DHRSX: variants seen among roughly 807,000 people sequenced by gnomAD.
DHRSX encodes the protein dehydrogenase/reductase X-linked.
A neutral mutation model predicts 34.0 loss-of-function variants in DHRSX; 31 were observed. The observed-to-expected ratio is 0.91, with a 90% CI of 0.69 to 1.23. The LOEUF is 1.23. Among genes scored for constraint, DHRSX ranks in the 50% most tolerant of loss-of-function variants. The pLI is 0.00. For missense variants in DHRSX, 414 were observed against 428.1 expected (o/e 0.97, Z 0.29); for synonymous variants, 201 against 183.8 (o/e 1.09, Z -0.76).
chrX:2,456,323 G>C (rs2044295641), intron 1 of DHRSX, among the ~76,000 whole-genome samples: 3 of 152,108 alleles, frequency 2.0e-5, no homozygotes, highest in African/African-American at 7.2e-5. Flanking sequence ...AATCAAGAAT[G>C]AAGGGTGCGG....
At position 2,407,599 on chromosome X, in the gene DHRSX, C is replaced by T. The variant is rs184908360; in HGVS notation, c.286+1146G>A. The stretch of plus-strand genomic sequence containing the variant: ...GCACTGGATAAGAGAATCTGGCTGC[C>T]TTCAGCCAAATCTTATTCGGGAGCA... On this transcript the variant is annotated intron_variant, in intron 3 of 6. Transcript: ENST00000334651. 6.6e-4 allele frequency among the ~76,000 whole-genome samples: 101 copies of T among 152,296 alleles called. 1 individual carries two copies. Among genetic ancestry groups the T allele is most frequent in the African/African-American group, 2.2e-3 (92 of 41,564 alleles).
At chrX:2,391,703 A>C (rs2043337232) in intron 3 of DHRSX, among the ~76,000 whole-genome samples, 1 of 152,198 alleles carries the variant, frequency 6.6e-6, no homozygotes, top group South Asian at 2.1e-4. Context: ...AGGTGGGCAG[A>C]TCACCTGAGG....
At chrX:2,239,752 G>C (rs754656180) in intron 6 of DHRSX, among the ~76,000 whole-genome samples, 2 of 150,956 alleles carry the variant, frequency 1.3e-5, no homozygotes, top group African/African-American at 4.9e-5. Flanking sequence ...CTGGGCAACA[G>C]AGCAAGACTC....
At chrX:2,425,933 C>A (rs2043840944) in intron 1 of DHRSX, among the ~76,000 whole-genome samples, 3 of 152,080 alleles carry the variant, frequency 2.0e-5, no homozygotes, top group Admixed American at 2.0e-4. Flanking sequence ...TGAATGATTT[C>A]AGCAGGCTCT....
In DHRSX at chrX:2,220,843, T is replaced by C. The variant is rs1270905914; in HGVS notation, c.*198A>G. On this transcript the variant is annotated 3_prime_UTR_variant, in exon 7 of 7. Coordinates refer to ENST00000334651, the MANE Select transcript of DHRSX (RefSeq NM_145177.3). ...ACAAAGTTTATGGTTGAAGACCACT[T>C]GGGGTGATTATCCTCCAAAATGTTT... The C allele has an allele frequency of 9.2e-6, 5 of 542,860 alleles. No individual in the cohort carries two copies. Among genetic ancestry groups the C allele is most frequent in the Non-Finnish European group, 1.3e-5 (4 of 304,292 alleles). The allele number at this position is 542,860 out of a possible 1,614,324, so 33.6% of individuals were successfully genotyped here.
At chrX:2,445,027 G>C (rs1442344454) in intron 1 of DHRSX, among the ~76,000 whole-genome samples, 2 of 151,836 alleles carry the variant, frequency 1.3e-5, no homozygotes, top group Non-Finnish European at 2.9e-5. Flanking sequence ...CCTGGTGGCG[G>C]ACACCGGTAA....
chrX:2,255,230 C>T (rs2041260772), intron 5 of DHRSX, among the ~76,000 whole-genome samples: 1 of 152,082 alleles, frequency 6.6e-6, no homozygotes, highest in Admixed American at 6.6e-5. Flanking sequence ...GAGAAAACAA[C>T]CAAAACAACA....
intron 5 of DHRSX, among the ~76,000 whole-genome samples, chrX:2,254,230 T>C (rs2041245177): frequency 6.6e-6 from 1 of 152,210 alleles, no homozygotes; most frequent in Admixed American, 6.5e-5. Context: ...GAGAGGTACT[T>C]GTGTAGAAGC....
intron 4 of DHRSX, among the ~76,000 whole-genome samples, chrX:2,268,485 CTT>C (rs2041504770): frequency 1.3e-5 from 2 of 152,156 alleles, no homozygotes; most frequent in East Asian, 3.8e-4. Flanking sequence ...TAGCTATACA[CTT>C]GGGTATATAA....
At chrX:2,432,249 A>G (rs1329908952) in intron 1 of DHRSX, among the ~76,000 whole-genome samples, 1 of 152,172 alleles carries the variant, frequency 6.6e-6, no homozygotes, top group Non-Finnish European at 1.5e-5. Context: ...GGGGGAAAAA[A>G]AATCTAAACT....
At chrX:2,498,563 G>T (rs2045337136) in intron 1 of DHRSX, among the ~76,000 whole-genome samples, 1 of 150,448 alleles carries the variant, frequency 6.6e-6, no homozygotes, top group South Asian at 2.1e-4. Flanking sequence ...TGGCAGACAC[G>T]TGACTTCACC....
chrX:2,246,883 G>A (rs2016310541), intron 5 of DHRSX, among the ~76,000 whole-genome samples: 1 of 152,108 alleles, frequency 6.6e-6, no homozygotes, highest in South Asian at 2.1e-4. Context: ...CAAAGCAAAT[G>A]AGAAATACAG....
chrX:2,498,349 C>G (rs1451051927), intron 1 of DHRSX, among the ~76,000 whole-genome samples: 1 of 152,186 alleles, frequency 6.6e-6, no homozygotes, highest in African/African-American at 2.4e-5. Context: ...TCACCAACAG[C>G]GAAGGCCTAC....
At chrX:2,346,775 T>A (rs1033139836) in intron 3 of DHRSX, among the ~76,000 whole-genome samples, 28 of 152,134 alleles carry the variant, frequency 1.8e-4, no homozygotes, top group South Asian at 1.3e-3. Context: ...CATTAGGTAT[T>A]TCTCCTAATG....
chrX:2,497,192 T>C (rs5939505), intron 1 of DHRSX, among the ~76,000 whole-genome samples: 28,492 of 152,014 alleles, frequency 0.19, 2,900 homozygotes, highest in South Asian at 0.29. Flanking sequence ...GTCAGGAGTT[T>C]GAGACCAGCC....
intron 1 of DHRSX, among the ~76,000 whole-genome samples, chrX:2,496,886 ATATT>A (rs1316629582): frequency 3.4e-5 from 5 of 148,908 alleles, no homozygotes; most frequent in African/African-American, 7.3e-5. Flanking sequence ...AAAAATATAT[ATATT>A]TAATAAAAAT....
intron 3 of DHRSX, among the ~76,000 whole-genome samples, chrX:2,387,915 A>T (rs2043290986): frequency 6.6e-6 from 1 of 150,894 alleles, no homozygotes; most frequent in Non-Finnish European, 1.5e-5. Flanking sequence ...AAAAAAAAAA[A>T]AAAAAAAAAC....
At chrX:2,264,517 C>T (rs1489926562) in intron 5 of DHRSX, among the ~76,000 whole-genome samples, 3 of 151,014 alleles carry the variant, frequency 2.0e-5, no homozygotes, top group South Asian at 2.1e-4. Flanking sequence ...TCAGGGAGCA[C>T]TGTGCCCAGA....
chrX:2,223,166 C>G (rs2015559385), intron 6 of DHRSX, among the ~76,000 whole-genome samples: 1 of 151,896 alleles, frequency 6.6e-6, no homozygotes, highest in Non-Finnish European at 1.5e-5. Context: ...CCATAATTCC[C>G]ATGTGTCAAG....
Sources: allele counts gnomAD v4.1 joint callset (sites outside exome capture counted in the v4.1 genomes callset), GRCh38; gene constraint gnomAD v4.1.1; transcripts MANE v1.5; gene names NCBI Gene and HGNC (gene_info 2026-07-23, HGNC 2026-07-21).